FREM2: variants seen among roughly 807,000 people sequenced by gnomAD.
The protein encoded by FREM2 is FRAS1 related extracellular matrix 2.
A neutral mutation model predicts 219.9 loss-of-function variants in FREM2; 119 were observed. The ratio of observed to expected loss-of-function variants is 0.54; its 90% CI spans 0.47 to 0.63. The LOEUF (loss-of-function observed/expected upper bound fraction) is 0.63. Ranked by LOEUF, FREM2 falls within the 30% of genes least tolerant of loss-of-function variation. The pLI, the probability that FREM2 is intolerant of heterozygous loss-of-function variation, is 0.00. For missense variants in FREM2, 4,030 were observed against 3,993.6 expected, an observed-to-expected ratio of 1.01 and a Z score of -0.25; for synonymous variants, 1,562 against 1,522.8, an observed-to-expected ratio of 1.03 and a Z score of -0.60.
At chr13:38,731,012 A>T (rs1198885966) in intron 2 of FREM2, among the ~76,000 whole-genome samples, 1 of 152,006 alleles carries the variant, frequency 6.6e-6, no homozygotes, top group Admixed American at 6.6e-5. Flanking sequence ...TAAACTGAAG[A>T]ATTCATAATT....
chr13:38,793,575 A>G (rs1485610193), intron 6 of FREM2, among the ~76,000 whole-genome samples: 1 of 152,220 alleles, frequency 6.6e-6, no homozygotes, highest in Non-Finnish European at 1.5e-5. Context: ...CATATAAAAG[A>G]GTTGTGTTTC....
chr13:38,863,172 C>T (rs1842613236), intron 15 of FREM2, among the ~76,000 whole-genome samples: 1 of 152,098 alleles, frequency 6.6e-6, no homozygotes, highest in Non-Finnish European at 1.5e-5. Context: ...GCCTCAGCCT[C>T]CTAAGTAGCT....
At chr13:38,828,983 A>G (rs1876404280) in intron 6 of FREM2, among the ~76,000 whole-genome samples, 1 of 152,036 alleles carries the variant, frequency 6.6e-6, no homozygotes, top group South Asian at 2.1e-4. Flanking sequence ...ATTCAGTTTT[A>G]GATGTAACAA....
chr13:38,782,330 T>C (rs1397098985), intron 4 of FREM2, among the ~76,000 whole-genome samples: 1 of 151,306 alleles, frequency 6.6e-6, no homozygotes, highest in Non-Finnish European at 1.5e-5. Context: ...GATAACTGCA[T>C]TTTTTTTTAA....
chr13:38,873,988 G>T (rs549843140), intron 17 of FREM2, among the ~76,000 whole-genome samples: 3 of 152,108 alleles, frequency 2.0e-5, no homozygotes, highest in Non-Finnish European at 4.4e-5. Flanking sequence ...TTTTTCTGTG[G>T]TTCCCAACCT....
chr13:38,829,645 C>CTTT (rs201951171), intron 6 of FREM2, among the ~76,000 whole-genome samples: 1 of 140,524 alleles, frequency 7.1e-6, no homozygotes, highest in African/African-American at 2.6e-5. Flanking sequence ...TTATTATATC[C>CTTT]TTTTTTTTTT....
At chr13:38,857,549 C>A (rs1877605751) in intron 12 of FREM2, among the ~76,000 whole-genome samples, 1 of 152,152 alleles carries the variant, frequency 6.6e-6, no homozygotes, top group African/African-American at 2.4e-5. Context: ...CCCTTCACAA[C>A]CCCAAGACAC....
At chr13:38,866,291 C>T (rs1185215011) in intron 16 of FREM2, among the ~76,000 whole-genome samples, 1 of 151,726 alleles carries the variant, frequency 6.6e-6, no homozygotes, top group African/African-American at 2.4e-5. Context: ...GGTTGGGAGT[C>T]CAAGAGCAGC....
chr13:38,865,340 G>A (rs1877927099), intron 16 of FREM2, among the ~76,000 whole-genome samples: 1 of 152,098 alleles, frequency 6.6e-6, no homozygotes, highest in African/African-American at 2.4e-5. Flanking sequence ...TCTTCTTGTG[G>A]GTTACAATAG....
In FREM2 at chr13:38,688,680, G is replaced by A. The variant is rs138659576; in HGVS notation, c.1336G>A (p.Gly446Ser). The A allele has an allele frequency of 3.7e-6, 6 of 1,613,834 alleles. No individual in the cohort carries two copies. The highest frequency in any genetic ancestry group is 1.3e-5 in the African/African-American group (1 of 74,846). The change falls in exon 1 of 24, where the codon GGT (glycine) becomes AGT (serine). Residue 446 changes from glycine to serine, a missense_variant. Gly to Ser is a moderately conservative substitution (Grantham distance 56). Coordinates refer to ENST00000280481, the MANE Select transcript of FREM2 (RefSeq NM_207361.6). Reference protein sequence around the residue: ...TMAPVVTRNTGLILYEGQSRP... With the variant: ...TMAPVVTRNTSLILYEGQSRP... ...GGCTCCGGTGGTCACCCGGAATACCGGTCTTATTCTCTATGAGGGTCAGTC... is the reference window on the plus strand; with the variant it reads ...GGCTCCGGTGGTCACCCGGAATACCAGTCTTATTCTCTATGAGGGTCAGTC...
intron 13 of FREM2, among the ~76,000 whole-genome samples, chr13:38,858,589 C>G (rs1877645505): frequency 6.6e-6 from 1 of 152,172 alleles, no homozygotes. Context: ...TTTCTTGACT[C>G]TAAGTTTAAG....
In FREM2 at chr13:38,874,562, G is replaced by A; in HGVS notation, c.8257G>A (p.Gly2753Ser). ...CTTCAAGACAGAGGCTCAGTTCCAT[G>A]GCTTATTTGTGCTGTCACATCCCGG... is the stretch of plus-strand genomic sequence containing the variant. ...VHFKTEAQFH[G>S]LFVLSHPASF... The change falls in exon 18 of 24, where the codon GGC becomes AGC. Residue 2753 changes from glycine (G) to serine (S), a missense_variant. By Grantham distance (56) the Gly-to-Ser change is moderately conservative (BLOSUM62 0). This residue lies in a region of FREM2 where 928 missense variants were observed against 1,042.9 expected (regional missense o/e 0.89). Transcript: ENST00000280481. 1 of 1,614,058 alleles carries A rather than the reference G, an allele frequency of 6.2e-7. No individual in the cohort carries two copies. Among genetic ancestry groups the A allele is most frequent in the Non-Finnish European group, 8.5e-7 (1 of 1,179,924 alleles).
intron 2 of FREM2, among the ~76,000 whole-genome samples, chr13:38,755,921 C>G (rs150296521): frequency 1.3e-5 from 2 of 152,146 alleles, no homozygotes; most frequent in Non-Finnish European, 2.9e-5. Context: ...GGTAACCATG[C>G]GGGAGCCAGT....
chr13:38,854,357 G>C (rs1877480894), intron 11 of FREM2, among the ~76,000 whole-genome samples: 1 of 151,992 alleles, frequency 6.6e-6, no homozygotes, highest in Non-Finnish European at 1.5e-5. Context: ...ACATGTCTAA[G>C]ATAAGCAATG....
intron 16 of FREM2, among the ~76,000 whole-genome samples, chr13:38,868,322 G>A (rs1162722089): frequency 6.6e-6 from 1 of 152,134 alleles, no homozygotes; most frequent in African/African-American, 2.4e-5. Flanking sequence ...TACATTTATT[G>A]ATTGTTTACT....
intron 2 of FREM2, among the ~76,000 whole-genome samples, chr13:38,719,014 T>G (rs564695848): frequency 6.6e-6 from 1 of 152,348 alleles, no homozygotes; most frequent in African/African-American, 2.4e-5. Flanking sequence ...ATGTAGTGAC[T>G]TAAAACAACA....
rs140019811 is a variant in FREM2 at position 38,689,849 on chromosome 13, C to T, written c.2505C>T (p.Thr835=). ...ACCAGCCACCTGAGATCCTCAACAC[C>T]GGCTTCACTATTCAGGAGAAGGGTC... ...VDNQPPEILN[T]GFTIQEKGHH... is the part of the protein sequence containing the mutation. The change falls in exon 1 of 24, where the codon ACC becomes ACT. Residue 835 remains threonine (T), a synonymous_variant. Coordinates refer to ENST00000280481, the MANE Select transcript of FREM2 (RefSeq NM_207361.6). The T allele has an allele frequency of 1.2e-5, 19 of 1,614,004 alleles. No individual in the cohort carries two copies. The highest frequency in any genetic ancestry group is 3.3e-5 in the Admixed American group (2 of 59,986).
intron 2 of FREM2, among the ~76,000 whole-genome samples, chr13:38,761,435 C>G (rs927427300): frequency 1.3e-5 from 2 of 152,084 alleles, no homozygotes; most frequent in African/African-American, 4.8e-5. Flanking sequence ...GTTATTCTAT[C>G]TTTTCTATTA....
chr13:38,757,317 C>G (rs1873051056), intron 2 of FREM2, among the ~76,000 whole-genome samples: 1 of 152,150 alleles, frequency 6.6e-6, no homozygotes, highest in South Asian at 2.1e-4. Context: ...ATATATTTGT[C>G]AGCACCCATC....
Sources: allele counts gnomAD v4.1 joint callset (sites outside exome capture counted in the v4.1 genomes callset), GRCh38; gene constraint gnomAD v4.1.1; regional missense constraint gnomAD v4.1.1; transcripts MANE v1.5; gene names NCBI Gene and HGNC (gene_info 2026-07-23, HGNC 2026-07-21).